The following ITGAM variants were observed in gnomAD, a reference collection of about 807,000 sequenced individuals.
ITGAM encodes integrin alpha-M.
A neutral mutation model predicts 137.5 loss-of-function variants in ITGAM; 79 were observed. The ratio of observed to expected loss-of-function variants is 0.57; its 90% CI spans 0.48 to 0.69. The LOEUF (loss-of-function observed/expected upper bound fraction) is 0.69, where lower values mean the gene tolerates loss of function less well. Among genes scored for constraint, ITGAM ranks in the 30% least tolerant of loss-of-function variants. The probability of loss-of-function intolerance (pLI) is 0.00; values close to 1 mark genes in which losing one functional copy is unlikely to be tolerated. For missense variants in ITGAM, 1,343 were observed against 1,483.5 expected (o/e 0.91, Z 1.56); for synonymous variants, 583 against 592.3 (o/e 0.98, Z 0.23).
chr16:31,304,180 A>C (rs1326679486), intron 14 of ITGAM, among the ~76,000 whole-genome samples: 1 of 151,842 alleles, frequency 6.6e-6, no homozygotes, highest in East Asian at 1.9e-4. Context: ...GTGGTATTTT[A>C]TTGTGGTTTT....
intron 8 of ITGAM, 70 bp downstream of exon 8, chr16:31,273,588 T>A: frequency 6.8e-7 from 1 of 1,473,034 alleles, no homozygotes; most frequent in Non-Finnish European, 9.4e-7. Context: ...TCCCTTCAAT[T>A]TGCAAATATT....
At chr16:31,276,570 G>T in intron 9 of ITGAM, 101 bp from the exon 10 acceptor site, 1 of 779,422 alleles carries the variant, frequency 1.3e-6, no homozygotes, top group South Asian at 1.6e-5. Context: ...GACCTCAAGT[G>T]ATCTGCCCAT....
At chr16:31,277,359 A>AT (rs10647928) in intron 11 of ITGAM, among the ~76,000 whole-genome samples, 21,554 of 136,890 alleles carry the variant, frequency 0.16, 1,869 homozygotes, top group African/African-American at 0.24. Flanking sequence ...CCCCTGGCTA[A>AT]TTTTTTTTTT....
chr16:31,320,600 C>T (rs2080438810), intron 14 of ITGAM, among the ~76,000 whole-genome samples: 1 of 152,184 alleles, frequency 6.6e-6, no homozygotes, highest in South Asian at 2.1e-4. Flanking sequence ...TCTTTCAATT[C>T]TCTATTTGTT....
At chr16:31,300,249 G>T (rs1432929885) in intron 14 of ITGAM, among the ~76,000 whole-genome samples, 1 of 152,146 alleles carries the variant, frequency 6.6e-6, no homozygotes, top group Non-Finnish European at 1.5e-5. Context: ...ACATGGGCAC[G>T]TTCATATCTC....
intron 20 of ITGAM, 45 bp from the exon 21 acceptor site, chr16:31,325,455 C>T (rs368737366): frequency 1.6e-5 from 25 of 1,612,692 alleles, no homozygotes; most frequent in Middle Eastern, 1.6e-4. Flanking sequence ...CCCATCCTCA[C>T]GGCCGGAGGT....
intron 14 of ITGAM, among the ~76,000 whole-genome samples, chr16:31,313,045 C>A (rs990855368): frequency 5.9e-5 from 9 of 151,892 alleles, no homozygotes; most frequent in African/African-American, 9.7e-5. Context: ...TGGTGAAACC[C>A]CATCTCTACT....
At chr16:31,319,711 A>G (rs900878117) in intron 14 of ITGAM, among the ~76,000 whole-genome samples, 2 of 152,050 alleles carry the variant, frequency 1.3e-5, no homozygotes, top group Non-Finnish European at 2.9e-5. Flanking sequence ...GTTTTCTGTT[A>G]GTCATGTAGG....
At position 31,260,350 on chromosome 16, in the gene ITGAM, G is replaced by A. The variant is rs186097903; in HGVS notation, c.28+258G>A. 4.9e-4 allele frequency among the ~76,000 whole-genome samples: 74 copies of A among 152,224 alleles called. 1 individual carries two copies. Among genetic ancestry groups the A allele is most frequent in the Non-Finnish European group, 8.1e-4 (55 of 68,008 alleles). ...CCCCTTGCTTCACACATGAGGAGAC[G>A]GAGGCCCAGGGAGGAGAAGTGACAT... On this transcript the variant is annotated intron_variant, in intron 1 of 29. Transcript: ENST00000544665.
chr16:31,264,845 T>C (rs990181512), intron 2 of ITGAM, among the ~76,000 whole-genome samples: 6 of 152,184 alleles, frequency 3.9e-5, no homozygotes, highest in African/African-American at 2.4e-5. Context: ...CCAGCTTGAA[T>C]TGACCTATTT....
In ITGAM at chr16:31,272,005, T is replaced by A. The variant is rs769320384; in HGVS notation, c.704+13T>A. On this transcript the variant is annotated intron_variant, in intron 7 of 29. Transcript: ENST00000544665. The stretch of plus-strand genomic sequence containing the variant: ...TCCGCAAAGTGGTGTAAGCTTCCCC[T>A]TTTCCCTTAGGATGGAGGGAGGAGG... 6.2e-7 allele frequency: 1 copy of A among 1,613,280 alleles called. No homozygotes were observed. The highest frequency in any genetic ancestry group is 2.2e-5 in the East Asian group (1 of 44,852).
chr16:31,330,729 G>A, intron 28 of ITGAM, 124 bp downstream of exon 28: 1 of 676,012 alleles, frequency 1.5e-6, no homozygotes, highest in East Asian at 2.7e-5. Flanking sequence ...CAGAGAGACA[G>A]AGAGATACAG....
intron 14 of ITGAM, among the ~76,000 whole-genome samples, chr16:31,320,111 G>A (rs184821723): frequency 1.7e-4 from 26 of 152,170 alleles, no homozygotes; most frequent in Admixed American, 1.2e-3. Flanking sequence ...GTGAGCCACC[G>A]CGTCTGACCC....
rs1166817723 is a variant in ITGAM, at chr16:31,319,192, G to A, written c.1708-2049G>A. ...GTATATTCTGCAGTAGTTGGCTTGT[G>A]TATTTTGTATATGTCTGTTAAGTCC... On this transcript the variant is annotated intron_variant, in intron 14 of 29. Transcript: ENST00000544665. 4.0e-5 allele frequency among the ~76,000 whole-genome samples: 6 copies of A among 150,984 alleles called. No homozygotes were observed. In the East Asian group the frequency reaches 5.8e-4, roughly 15 times the overall value.
rs1321382028 is a variant in ITGAM at position 31,331,893 on chromosome 16, AC to A, written c.*187del. On this transcript the variant is annotated 3_prime_UTR_variant, in exon 30 of 30. Coordinates refer to ENST00000544665, the MANE Select transcript of ITGAM (RefSeq NM_000632.4). ...CAAGTGTCTGTGTGCAAGTGTGTGC[AC>A]ATGTGTGCGTGTGCGTGCATGTGCA... 14 of 552,470 alleles carry A rather than the reference AC, an allele frequency of 2.5e-5. No individual in the cohort carries two copies. The highest frequency in any genetic ancestry group is 1.8e-4 in the Admixed American group (5 of 27,674). The allele number at this position is 552,470 out of a possible 1,614,324, so 34.2% of individuals were successfully genotyped here. A position where few individuals can be genotyped will look rare whatever the true frequency, so the allele number is the denominator to read the frequency against.
rs567337334 is a variant in ITGAM at position 31,320,832 on chromosome 16, A to G, written c.1708-409A>G. 3.3e-5 allele frequency among the ~76,000 whole-genome samples: 5 copies of G among 152,210 alleles called. No individual in the cohort carries two copies. The South Asian group carries it at 1.0e-3, about 32-fold the overall frequency. ...ACGTAAATGAAATTCAGCTGAGCCA[A>G]ATAATATACTTTTACTTTTCCCTGT... is the stretch of plus-strand genomic sequence containing the variant. On this transcript the variant is annotated intron_variant, in intron 14 of 29. Transcript: ENST00000544665.
chr16:31,261,760 G>T lies in ITGAM; in HGVS notation c.97G>T (p.Gly33Cys). Residue 33 changes from glycine (G) to cysteine (C), a missense_variant, in exon 2 of 30, where the codon GGC becomes TGC. Transcript: ENST00000544665. ...NAMTFQENARGFGQSVVQLQG... is the reference protein window; with the variant it reads ...NAMTFQENARCFGQSVVQLQG... ...AATGACCTTCCAAGAGAACGCAAGGGGCTTCGGGCAGAGCGTGGTCCAGCT... is the reference window on the plus strand; with the variant it reads ...AATGACCTTCCAAGAGAACGCAAGGTGCTTCGGGCAGAGCGTGGTCCAGCT... 1.9e-6 allele frequency: 3 copies of T among 1,613,260 alleles called. No homozygotes were observed. Among genetic ancestry groups the T allele is most frequent in the Non-Finnish European group, 2.5e-6 (3 of 1,179,642 alleles).
At chr16:31,296,060 C>T (rs963670882) in intron 12 of ITGAM, among the ~76,000 whole-genome samples, 1 of 150,964 alleles carries the variant, frequency 6.6e-6, no homozygotes, top group Admixed American at 6.6e-5. Flanking sequence ...TTGCATCTCG[C>T]ATCCCAGGGA....
intron 11 of ITGAM, among the ~76,000 whole-genome samples, chr16:31,277,349 C>T (rs1373092424): frequency 6.6e-6 from 1 of 150,556 alleles, no homozygotes; most frequent in African/African-American, 2.5e-5. Flanking sequence ...TGCACCACCA[C>T]CCCTGGCTAA....
Sources: gnomAD v4.1 joint callset for allele counts (sites outside exome capture counted in the v4.1 genomes callset) on GRCh38, gnomAD v4.1.1 for gene constraint, MANE v1.5 for transcripts, NCBI Gene and HGNC (gene_info 2026-07-23, HGNC 2026-07-21) for gene names.